The following FOXN2 variants were observed in gnomAD, a reference collection of about 807,000 sequenced individuals.
FOXN2 encodes the protein forkhead box N2.
A neutral mutation model predicts 41.2 loss-of-function variants in FOXN2; 19 were observed. The observed-to-expected ratio is 0.46, with a 90% CI of 0.32 to 0.68. The LOEUF is 0.68. Ranked by LOEUF, FOXN2 falls within the 30% of genes least tolerant of loss-of-function variation. The probability of loss-of-function intolerance (pLI) is 0.03; values close to 1 mark genes in which losing one functional copy is unlikely to be tolerated. For synonymous variants in FOXN2, 195 were observed against 176.8 expected (o/e 1.10, Z -0.82); for missense variants, 587 against 509.4 (o/e 1.15, Z -1.47).
chr2:48,363,855 T>C lies in FOXN2; in HGVS notation c.703+1148T>C, dbSNP rs79603352. ...AGCACACTCTATGATGTTCACACAGTGACAAAATCACCTAACAGTACATTT... is the reference window on the plus strand; with the variant it reads ...AGCACACTCTATGATGTTCACACAGCGACAAAATCACCTAACAGTACATTT... On this transcript the variant is annotated intron_variant, in intron 5 of 6. Coordinates refer to ENST00000340553, the MANE Select transcript of FOXN2 (RefSeq NM_002158.4). Among the ~76,000 whole-genome samples, 1,381 of 152,340 alleles carry C rather than the reference T, an allele frequency of 9.1e-3. 32 individuals are homozygous for C. Among genetic ancestry groups the C allele is most frequent in the African/African-American group, 0.031 (1,282 of 41,574 alleles).
chr2:48,325,013 G>T (rs958779073), intron 1 of FOXN2, among the ~76,000 whole-genome samples: 11 of 152,198 alleles, frequency 7.2e-5, no homozygotes, highest in Non-Finnish European at 1.5e-4. Context: ...ATAGAGAAAT[G>T]TATTTGAACA....
At chr2:48,339,578 G>A (rs1670603414) in intron 2 of FOXN2, among the ~76,000 whole-genome samples, 1 of 152,180 alleles carries the variant, frequency 6.6e-6, no homozygotes, top group Admixed American at 6.5e-5. Flanking sequence ...CCCTCTAGCA[G>A]TGTAGAAACG....
intron 1 of FOXN2, among the ~76,000 whole-genome samples, chr2:48,319,332 G>C (rs939227625): frequency 1.3e-5 from 2 of 152,122 alleles, no homozygotes; most frequent in African/African-American, 4.8e-5. Flanking sequence ...CGTTTTTGGA[G>C]GGAATTTACT....
intron 1 of FOXN2, among the ~76,000 whole-genome samples, chr2:48,318,680 G>A (rs1038972945): frequency 2.6e-5 from 4 of 152,052 alleles, no homozygotes; most frequent in African/African-American, 7.2e-5. Context: ...TTCTATAAAC[G>A]AATACTTAAA....
intron 2 of FOXN2, among the ~76,000 whole-genome samples, chr2:48,335,316 G>A (rs1036196093): frequency 2.0e-5 from 3 of 151,738 alleles, no homozygotes; most frequent in African/African-American, 7.2e-5. Context: ...CAGTGGATAG[G>A]TATAAAAGCA....
At chr2:48,365,019 G>A (rs1277333358) in intron 5 of FOXN2, among the ~76,000 whole-genome samples, 1 of 152,178 alleles carries the variant, frequency 6.6e-6, no homozygotes, top group African/African-American at 2.4e-5. Context: ...TTCTGAATTA[G>A]TGGGTTTTTT....
chr2:48,336,435 A>ATGTATATG (rs1670363257), intron 2 of FOXN2, among the ~76,000 whole-genome samples: 3 of 146,164 alleles, frequency 2.1e-5, no homozygotes, highest in Admixed American at 6.8e-5. Context: ...ATATATGTAT[A>ATGTATATG]TGTGTGTGTG....
intron 1 of FOXN2, among the ~76,000 whole-genome samples, chr2:48,315,940 C>A (rs1668884359): frequency 6.6e-6 from 1 of 152,228 alleles, no homozygotes; most frequent in East Asian, 1.9e-4. Context: ...CCTACCCCAA[C>A]TCCGAGGTGA....
chr2:48,356,351 G>C (rs927950420), intron 3 of FOXN2, among the ~76,000 whole-genome samples: 1 of 151,138 alleles, frequency 6.6e-6, no homozygotes, highest in African/African-American at 2.4e-5. Context: ...TGAGGCAAGG[G>C]AATCGTCCGA....
chr2:48,357,521 A>G (rs2104444754), intron 3 of FOXN2, among the ~76,000 whole-genome samples: 1 of 149,184 alleles, frequency 6.7e-6, no homozygotes, highest in Non-Finnish European at 1.5e-5. Context: ...TTTTTTTGAG[A>G]CAGCGTTTCA....
intron 6 of FOXN2, among the ~76,000 whole-genome samples, chr2:48,374,688 T>C (rs1434988099): frequency 6.6e-6 from 1 of 152,188 alleles, no homozygotes; most frequent in Non-Finnish European, 1.5e-5. Context: ...TTGTAAGCAA[T>C]TCAAAATAGT....
intron 2 of FOXN2, among the ~76,000 whole-genome samples, chr2:48,345,359 A>AG (rs1438140924): frequency 5.9e-5 from 9 of 152,044 alleles, no homozygotes; most frequent in Admixed American, 5.2e-4. Context: ...GGTGTAGGGA[A>AG]GGGGGAGATG....
intron 1 of FOXN2, 141 bp downstream of exon 1, chr2:48,314,955 A>C (rs1051401521): frequency 2.6e-5 from 4 of 151,986 alleles, no homozygotes; most frequent in African/African-American, 7.2e-5. Context: ...ACGCGCCCGG[A>C]CATTTTTGTC....
intron 6 of FOXN2, 146 bp from the exon 7 acceptor site, chr2:48,374,774 T>G: frequency 1.5e-6 from 1 of 650,556 alleles, no homozygotes; most frequent in Non-Finnish European, 2.6e-6. Flanking sequence ...CAAAATGATG[T>G]GATCTGGGTA....
chr2:48,352,781 T>A (rs900210640), intron 3 of FOXN2, among the ~76,000 whole-genome samples: 1 of 152,222 alleles, frequency 6.6e-6, no homozygotes, highest in Non-Finnish European at 1.5e-5. Context: ...ATTATCCTGA[T>A]GAACTTCCTT....
chr2:48,329,670 T>C (rs1173332823), intron 2 of FOXN2, among the ~76,000 whole-genome samples: 1 of 152,208 alleles, frequency 6.6e-6, no homozygotes, highest in African/African-American at 2.4e-5. Context: ...AGCATTATAA[T>C]CAAATATACA....
intron 2 of FOXN2, 23 bp from the exon 3 acceptor site, chr2:48,346,178 G>T: frequency 6.5e-7 from 1 of 1,535,668 alleles, no homozygotes. Flanking sequence ...GTATTACATT[G>T]ATAATTGTTT....
At chr2:48,316,395 A>G (rs1292493731) in intron 1 of FOXN2, among the ~76,000 whole-genome samples, 1 of 152,238 alleles carries the variant, frequency 6.6e-6, no homozygotes, top group Non-Finnish European at 1.5e-5. Context: ...GAGAGATTCT[A>G]ATGCAATCAG....
At chr2:48,374,813 A>G in intron 6 of FOXN2, 107 bp from the exon 7 acceptor site, 3 of 911,428 alleles carry the variant, frequency 3.3e-6, no homozygotes, top group Non-Finnish European at 3.3e-6. Context: ...ACAAAGCATC[A>G]TGAATCTAAA....
Sources: gnomAD v4.1 joint callset for allele counts (sites outside exome capture counted in the v4.1 genomes callset) on GRCh38, gnomAD v4.1.1 for gene constraint, MANE v1.5 for transcripts, NCBI Gene and HGNC (gene_info 2026-07-23, HGNC 2026-07-21) for gene names.